The following MEIOSIN variants were observed in gnomAD, a reference collection of about 807,000 sequenced individuals.
The protein encoded by MEIOSIN is meiosis initiator, also known as meiosis initiator protein.
MEIOSIN carries 18 observed loss-of-function variants against 23.4 expected under a neutral mutation model. The ratio of observed to expected loss-of-function variants is 0.77; its 90% CI spans 0.53 to 1.14. The LOEUF (loss-of-function observed/expected upper bound fraction) is 1.14, where lower values mean the gene tolerates loss of function less well. Among genes scored for constraint, MEIOSIN ranks in the 50% most tolerant of loss-of-function variants. The probability of loss-of-function intolerance (pLI) is 0.00; values close to 1 mark genes in which losing one functional copy is unlikely to be tolerated. For missense variants in MEIOSIN, 428 were observed against 242.9 expected (o/e 1.76, Z -5.07); for synonymous variants, 187 against 100.6 (o/e 1.86, Z -5.14).
chr19:45,763,257 C>T, intron 13 of MEIOSIN, 81 bp from the exon 14 acceptor site: 1 of 397,972 alleles, frequency 2.5e-6, no homozygotes, highest in Non-Finnish European at 4.4e-6. Flanking sequence ...CCTTGTAGAC[C>T]CACAAGGCTA....
intron 2 of MEIOSIN, among the ~76,000 whole-genome samples, chr19:45,739,295 CAT>C (rs1484947952): frequency 2.0e-5 from 3 of 152,116 alleles, no homozygotes; most frequent in Non-Finnish European, 2.9e-5. Context: ...AGATTACAGA[CAT>C]GTGCTACCAG....
At chr19:45,760,118 A>G (rs561508521) in intron 11 of MEIOSIN, among the ~76,000 whole-genome samples, 3 of 151,794 alleles carry the variant, frequency 2.0e-5, no homozygotes, top group Non-Finnish European at 4.4e-5. Flanking sequence ...TCATTTTACA[A>G]CTACTCTACG....
rs1219113460 is a variant in MEIOSIN, at chr19:45,735,464, T to C, written c.71+17T>C. On this transcript the variant is annotated intron_variant, in intron 2 of 14. Transcript: ENST00000457052. Reference sequence around the variant, plus strand: ...CAGTGACAGGTAAGGGCTTGCCCCATCTCCCTTATAGCCCCAGCCACTCTC... The same window carrying C: ...CAGTGACAGGTAAGGGCTTGCCCCACCTCCCTTATAGCCCCAGCCACTCTC... 2 of 700,082 alleles carry C rather than the reference T, an allele frequency of 2.9e-6. No homozygotes were observed. Among genetic ancestry groups the C allele is most frequent in the Non-Finnish European group, 5.2e-6 (2 of 383,474 alleles). The allele number at this position is 700,082 out of a possible 1,614,324, so 43.4% of individuals were successfully genotyped here.
chr19:45,753,203 G>A (rs536598545), intron 5 of MEIOSIN, among the ~76,000 whole-genome samples: 1 of 152,280 alleles, frequency 6.6e-6, no homozygotes, highest in East Asian at 1.9e-4. Flanking sequence ...TTAGGCCCAA[G>A]CTAGCGCTGT....
intron 11 of MEIOSIN, among the ~76,000 whole-genome samples, chr19:45,760,734 GC>G (rs1968920967): frequency 6.6e-6 from 1 of 151,958 alleles, no homozygotes; most frequent in African/African-American, 2.4e-5. Context: ...TTTAAACCTA[GC>G]TTGACCAATA....
chr19:45,750,581 G>C (rs1016427460), intron 4 of MEIOSIN, 94 bp from the exon 5 acceptor site: 1 of 373,688 alleles, frequency 2.7e-6, no homozygotes, highest in Non-Finnish European at 4.9e-6. Flanking sequence ...GGCTGGTCTC[G>C]AACTCCTGAC....
intron 4 of MEIOSIN, among the ~76,000 whole-genome samples, chr19:45,746,094 G>A (rs934546918): frequency 4.0e-5 from 6 of 151,890 alleles, no homozygotes; most frequent in African/African-American, 1.2e-4. Flanking sequence ...TCAGCCTCCC[G>A]AGTAGCTGAG....
At chr19:45,756,124 G>A in intron 8 of MEIOSIN, 46 bp downstream of exon 8, 1 of 699,700 alleles carries the variant, frequency 1.4e-6, no homozygotes, top group Non-Finnish European at 2.6e-6. Flanking sequence ...TGAGGGGTTT[G>A]GTCTGGCGTG....
rs1325777510 is a variant in MEIOSIN, at chr19:45,750,876, G to A, written c.418+90G>A. On this transcript the variant is annotated intron_variant, in intron 5 of 14. Coordinates refer to ENST00000457052, the MANE Select transcript of MEIOSIN (RefSeq NM_001310124.2). ...GATACTGAGTGACCCTTCTGTCAAGGCCTGGTATAGGGGACAAAGAGAGAT... is the reference window on the plus strand; with the variant it reads ...GATACTGAGTGACCCTTCTGTCAAGACCTGGTATAGGGGACAAAGAGAGAT... 3 of 472,182 alleles carry A rather than the reference G, an allele frequency of 6.4e-6. No homozygotes were observed. In the South Asian group the frequency reaches 1.0e-4, roughly 16 times the overall value. 29.2% of individuals were successfully genotyped at this position (472,182 alleles called of 1,614,324 possible). A position where few individuals can be genotyped will look rare whatever the true frequency, so the allele number is the denominator to read the frequency against.
intron 5 of MEIOSIN, among the ~76,000 whole-genome samples, chr19:45,752,432 T>C (rs1968731244): frequency 6.6e-6 from 1 of 151,836 alleles, no homozygotes; most frequent in African/African-American, 2.4e-5. Flanking sequence ...GCCAAGCTGG[T>C]ATCACCTCAA....
chr19:45,738,520 G>A (rs1968447701), intron 2 of MEIOSIN, among the ~76,000 whole-genome samples: 1 of 152,214 alleles, frequency 6.6e-6, no homozygotes, highest in African/African-American at 2.4e-5. Flanking sequence ...TCAGGTGGCT[G>A]AAGCAGGAGA....
At chr19:45,760,230 G>A (rs1051203920) in intron 11 of MEIOSIN, among the ~76,000 whole-genome samples, 1 of 152,118 alleles carries the variant, frequency 6.6e-6, no homozygotes. Flanking sequence ...CAGTTTGAGA[G>A]GCTGACGTAG....
chr19:45,758,850 A>C, intron 9 of MEIOSIN, 28 bp from the exon 10 acceptor site: 1 of 700,862 alleles, frequency 1.4e-6, no homozygotes, highest in Non-Finnish European at 2.6e-6. Context: ...CTCTGGCCAC[A>C]CCCCTGAGTC....
rs1213700513 is a variant in MEIOSIN at position 45,745,226 on chromosome 19, A to C, written c.211A>C (p.Asn71His). The C allele has an allele frequency of 1.4e-6, 1 of 702,972 alleles. No homozygotes were observed. Among genetic ancestry groups the C allele is most frequent in the South Asian group, 1.5e-5 (1 of 67,594 alleles). 43.5% of individuals were successfully genotyped at this position (702,972 alleles called of 1,614,324 possible). Residue 71 changes from asparagine to histidine, a missense_variant, in exon 4 of 15, where the codon AAC becomes CAC. Coordinates refer to ENST00000457052, the MANE Select transcript of MEIOSIN (RefSeq NM_001310124.2). The part of the protein sequence containing the change: ...QRNQNKLLSP[N>H]KKQRKNHTSK... ...GAACCAAAACAAGCTCCTGTCCCCAAACAAGAAGCAGAGGAAAAACCACAC... is the reference window on the plus strand; with the variant it reads ...GAACCAAAACAAGCTCCTGTCCCCACACAAGAAGCAGAGGAAAAACCACAC...
chr19:45,741,828 C>CA (rs997504743), intron 3 of MEIOSIN, among the ~76,000 whole-genome samples: 18 of 150,370 alleles, frequency 1.2e-4, no homozygotes, highest in East Asian at 3.9e-4. Flanking sequence ...ACCGCGTCTC[C>CA]AAAAAAAAAT....
At position 45,753,677 on chromosome 19, in the gene MEIOSIN, C is replaced by T; in HGVS notation, c.445C>T (p.Pro149Ser). Residue 149 changes from proline to serine, a missense_variant, in exon 6 of 15, where the codon CCA (proline) becomes TCA (serine). Pro to Ser is a moderately conservative substitution (Grantham distance 74). Transcript: ENST00000457052. ...AGLGQKPAWGPARRRRHSTPS... is the reference protein window; with the variant it reads ...AGLGQKPAWGSARRRRHSTPS... ...GCTGGGTCAGAAACCAGCCTGGGGC[C>T]CAGCCAGGCGGAGGAGACACTCTAC... 1.4e-6 allele frequency: 1 copy of T among 702,794 alleles called. No individual in the cohort carries two copies. The highest frequency in any genetic ancestry group is 2.6e-6 in the Non-Finnish European group (1 of 384,924). 43.5% of individuals were successfully genotyped at this position (702,794 alleles called of 1,614,324 possible). A position where few individuals can be genotyped will look rare whatever the true frequency, so the allele number is the denominator to read the frequency against.
intron 4 of MEIOSIN, among the ~76,000 whole-genome samples, chr19:45,748,936 G>T (rs1286523513): frequency 6.6e-6 from 1 of 151,992 alleles, no homozygotes; most frequent in African/African-American, 2.4e-5. Context: ...AAGCGTGGTG[G>T]CACATTCCTG....
At chr19:45,741,876 TTA>T (rs1460035704) in intron 3 of MEIOSIN, among the ~76,000 whole-genome samples, 29 of 151,970 alleles carry the variant, frequency 1.9e-4, no homozygotes, top group Admixed American at 1.6e-3. Flanking sequence ...TATTATTTAT[TTA>T]TTTATTTTTT....
chr19:45,743,284 A>G (rs1349535551), intron 3 of MEIOSIN, among the ~76,000 whole-genome samples: 2 of 152,196 alleles, frequency 1.3e-5, no homozygotes, highest in African/African-American at 4.8e-5. Context: ...CTTGAACTTT[A>G]TAAGTAGACC....
Sources: allele counts gnomAD v4.1 joint callset (sites outside exome capture counted in the v4.1 genomes callset), GRCh38; gene constraint gnomAD v4.1.1; transcripts MANE v1.5; gene names NCBI Gene and HGNC (gene_info 2026-07-23, HGNC 2026-07-21).